The following LSAMP variants were observed in gnomAD, a reference collection of about 807,000 sequenced individuals.
LSAMP encodes the protein limbic system associated membrane protein, also known as limbic system-associated membrane protein.
In LSAMP, 7 loss-of-function variants were observed where a neutral mutation model predicts 38.6. The observed-to-expected ratio is 0.18, with a 90% CI of 0.10 to 0.34. The LOEUF is 0.34. LSAMP is among the 10% of genes least tolerant of loss of function. The pLI is 1.00. For missense variants in LSAMP, 313 were observed against 420.0 expected (o/e 0.75, Z 2.23); for synonymous variants, 154 against 166.8 (o/e 0.92, Z 0.59).
intron 1 of LSAMP, among the ~76,000 whole-genome samples, chr3:116,425,675 G>T (rs1480991654): frequency 3.3e-5 from 5 of 151,946 alleles, no homozygotes; most frequent in East Asian, 1.9e-4. Flanking sequence ...TGAAGATACA[G>T]AACTAAAATG....
intron 1 of LSAMP, among the ~76,000 whole-genome samples, chr3:116,246,799 A>C (rs1576457796): frequency 6.6e-6 from 1 of 152,192 alleles, no homozygotes; most frequent in Admixed American, 6.5e-5. Flanking sequence ...ATGGGCTAGC[A>C]GCCCTAGAAA....
chr3:116,349,794 G>A (rs1449453125), intron 1 of LSAMP, among the ~76,000 whole-genome samples: 4 of 152,010 alleles, frequency 2.6e-5, no homozygotes, highest in African/African-American at 7.2e-5. Context: ...GGGAATACTA[G>A]CTTCACACAG....
chr3:115,861,596 C>G (rs1191957412), intron 3 of LSAMP, among the ~76,000 whole-genome samples: 1 of 152,116 alleles, frequency 6.6e-6, no homozygotes, highest in African/African-American at 2.4e-5. Context: ...ACTTGGTTTT[C>G]TCAGGTATGA....
At chr3:116,274,341 G>T (rs1341162697) in intron 1 of LSAMP, among the ~76,000 whole-genome samples, 1 of 152,174 alleles carries the variant, frequency 6.6e-6, no homozygotes, top group Non-Finnish European at 1.5e-5. Context: ...AATGACGGGA[G>T]CTCTCCAGAG....
At chr3:116,121,657 A>G (rs1323208959) in intron 1 of LSAMP, among the ~76,000 whole-genome samples, 2 of 152,156 alleles carry the variant, frequency 1.3e-5, no homozygotes, top group Non-Finnish European at 2.9e-5. Context: ...AGGTACTACT[A>G]TTATGCCCAT....
intron 1 of LSAMP, among the ~76,000 whole-genome samples, chr3:116,309,292 G>C (rs2047525245): frequency 1.3e-5 from 2 of 151,994 alleles, no homozygotes; most frequent in Admixed American, 6.6e-5. Context: ...GTATAATCTG[G>C]TAAAGGAATT....
chr3:116,066,106 G>T (rs1440155211), intron 2 of LSAMP, among the ~76,000 whole-genome samples: 1 of 152,142 alleles, frequency 6.6e-6, no homozygotes, highest in Admixed American at 6.5e-5. Context: ...AGATCAAGGT[G>T]CCAACAGGTT....
At chr3:115,917,252 A>T (rs949233846) in intron 3 of LSAMP, among the ~76,000 whole-genome samples, 1 of 152,238 alleles carries the variant, frequency 6.6e-6, no homozygotes, top group Non-Finnish European at 1.5e-5. Flanking sequence ...ATCCCTCGAC[A>T]CTTGCTTCCA....
chr3:116,223,551 G>C (rs1020871711), intron 1 of LSAMP, among the ~76,000 whole-genome samples: 8 of 152,070 alleles, frequency 5.3e-5, no homozygotes, highest in African/African-American at 1.9e-4. Context: ...ATTTTAAGTA[G>C]AAAAACAGAC....
chr3:116,031,418 C>T (rs1054709864), intron 2 of LSAMP, among the ~76,000 whole-genome samples: 4 of 151,668 alleles, frequency 2.6e-5, no homozygotes, highest in African/African-American at 4.8e-5. Context: ...TTCAAAATGG[C>T]TTACTGTTCA....
In LSAMP at chr3:116,444,761, T is replaced by C. The variant is rs981895783; in HGVS notation, c.155+116A>G. 7.7e-6 allele frequency: 10 copies of C among 1,301,068 alleles called. No individual in the cohort carries two copies. The Admixed American group carries it at 1.7e-4, about 23-fold the overall frequency. The allele number at this position is 1,301,068 out of a possible 1,614,324, so 80.6% of individuals were successfully genotyped here. A position where few individuals can be genotyped will look rare whatever the true frequency, so the allele number is the denominator to read the frequency against. On this transcript the variant is annotated intron_variant, in intron 1 of 6. Coordinates refer to ENST00000490035, the MANE Select transcript of LSAMP (RefSeq NM_002338.5). ...ACACACACACCACAAGCCTGCAGCA[T>C]CAGGAGCTGGAGTTCAAGGAGATCA...
At chr3:116,326,379 A>G (rs2047773010) in intron 1 of LSAMP, among the ~76,000 whole-genome samples, 1 of 152,162 alleles carries the variant, frequency 6.6e-6, no homozygotes. Flanking sequence ...CCTAAGATTC[A>G]CCAGATCTGA....
intron 1 of LSAMP, among the ~76,000 whole-genome samples, chr3:116,284,894 T>G (rs999893813): frequency 1.3e-5 from 2 of 152,158 alleles, no homozygotes; most frequent in Non-Finnish European, 2.9e-5. Context: ...ATCAGTGCTA[T>G]TTGAAGAAAT....
chr3:115,864,880 C>T (rs1448445270), intron 3 of LSAMP, among the ~76,000 whole-genome samples: 1 of 152,142 alleles, frequency 6.6e-6, no homozygotes, highest in Non-Finnish European at 1.5e-5. Context: ...AACTTAGGAT[C>T]TCAAACAAGC....
rs867853172 is a variant in LSAMP at position 115,808,448 on chromosome 3, C to T, written c.*1869G>A. 1.3e-5 allele frequency: 2 copies of T among 152,086 alleles called. No individual in the cohort carries two copies. The highest frequency in any genetic ancestry group is 4.8e-5 in the African/African-American group (2 of 41,420). 9.4% of individuals were successfully genotyped at this position (152,086 alleles called of 1,614,324 possible). A position where few individuals can be genotyped will look rare whatever the true frequency, so the allele number is the denominator to read the frequency against. Reference sequence around the variant, plus strand: ...CAGAGAGCCAGCTCTCTCGGCAAGACATTTCCTAAGAAATCCTTCTGGTGA... The same window carrying T: ...CAGAGAGCCAGCTCTCTCGGCAAGATATTTCCTAAGAAATCCTTCTGGTGA... On this transcript the variant is annotated 3_prime_UTR_variant, in exon 7 of 7. Coordinates refer to ENST00000490035, the MANE Select transcript of LSAMP (RefSeq NM_002338.5).
chr3:116,139,859 G>A (rs1427486796), intron 1 of LSAMP, among the ~76,000 whole-genome samples: 3 of 151,976 alleles, frequency 2.0e-5, no homozygotes, highest in Non-Finnish European at 2.9e-5. Flanking sequence ...CATTGTCCCT[G>A]TAGACAGAGT....
chr3:115,822,089 A>AT (rs2107467475), intron 6 of LSAMP, among the ~76,000 whole-genome samples: 1 of 152,060 alleles, frequency 6.6e-6, no homozygotes, highest in African/African-American at 2.4e-5. Flanking sequence ...TGTAAATATT[A>AT]TTTTTTTCTT....
chr3:116,073,781 A>C (rs1222260383), intron 2 of LSAMP, among the ~76,000 whole-genome samples: 1 of 152,216 alleles, frequency 6.6e-6, no homozygotes, highest in Admixed American at 6.5e-5. Flanking sequence ...CATTTATTAA[A>C]ATGTTTCATA....
intron 1 of LSAMP, among the ~76,000 whole-genome samples, chr3:116,187,721 T>C (rs753351357): frequency 2.6e-5 from 4 of 152,180 alleles, no homozygotes; most frequent in Non-Finnish European, 4.4e-5. Context: ...ACAATACCCA[T>C]ACCAAAGGTA....
Sources: allele counts gnomAD v4.1 joint callset (sites outside exome capture counted in the v4.1 genomes callset), GRCh38; gene constraint gnomAD v4.1.1; transcripts MANE v1.5; gene names NCBI Gene and HGNC (gene_info 2026-07-23, HGNC 2026-07-21).